Variants in DNAH9 observed in about 807,000 individuals in gnomAD.
The protein encoded by DNAH9 is DNAH9 variant protein.
Under a neutral mutation model 471.6 loss-of-function variants are expected in DNAH9, and 345 were observed. The observed-to-expected ratio is 0.73, with a 90% CI of 0.67 to 0.80. The LOEUF (loss-of-function observed/expected upper bound fraction) is 0.80, where lower values mean the gene tolerates loss of function less well. DNAH9 is among the 30% of genes least tolerant of loss of function. The probability of loss-of-function intolerance (pLI) is 0.00; values close to 1 mark genes in which losing one functional copy is unlikely to be tolerated. For missense variants in DNAH9, 5,407 were observed against 5,609.2 expected (o/e 0.96, Z 1.15); for synonymous variants, 2,093 against 2,123.6 (o/e 0.99, Z 0.40).
intron 68 of DNAH9, among the ~76,000 whole-genome samples, chr17:11,968,950 C>A (rs1271676273): frequency 6.6e-6 from 1 of 152,140 alleles, no homozygotes; most frequent in Non-Finnish European, 1.5e-5. Context: ...ATTTTTAAAT[C>A]CCCAGCACCT....
At position 11,843,841 on chromosome 17, in the gene DNAH9, T is replaced by TTGTGTGTGTG. The variant is rs370150805; in HGVS notation, c.9507+8957_9507+8966dup. Among the ~76,000 whole-genome samples the TTGTGTGTGTG allele has an allele frequency of 5.0e-3, 350 of 69,668 alleles. 53 individuals are homozygous for TTGTGTGTGTG. The highest frequency in any genetic ancestry group is 0.017 in the Middle Eastern group (1 of 58). 45.7% of individuals were successfully genotyped at this position (69,668 alleles called of 152,430 possible). On this transcript the variant is annotated intron_variant, in intron 49 of 68. Coordinates refer to ENST00000262442, the MANE Select transcript of DNAH9 (RefSeq NM_001372.4). ...TTTGTATATATACATGTATATGTGT[T>TTGTGTGTGTG]TGTGTGTGTGTGTGTGTGTGTGTAT... is the stretch of plus-strand genomic sequence containing the variant.
chr17:11,676,571 C>T (rs1404205268), intron 17 of DNAH9, among the ~76,000 whole-genome samples: 2 of 152,174 alleles, frequency 1.3e-5, no homozygotes, highest in Non-Finnish European at 2.9e-5. Context: ...GCATGAGCCA[C>T]TGCACCTGGC....
intron 26 of DNAH9, among the ~76,000 whole-genome samples, chr17:11,710,875 G>GA: frequency 6.6e-6 from 1 of 152,184 alleles, no homozygotes. Flanking sequence ...AGAAGTGGCC[G>GA]AAAAAAGACT....
intron 26 of DNAH9, among the ~76,000 whole-genome samples, chr17:11,715,656 A>C (rs906322862): frequency 6.6e-6 from 1 of 152,100 alleles, no homozygotes; most frequent in African/African-American, 2.4e-5. Context: ...TTCCTTAAGG[A>C]TCTTTTGCCA....
At position 11,834,784 on chromosome 17, in the gene DNAH9, G is replaced by C; in HGVS notation, c.9393G>C (p.Lys3131Asn). The change falls in exon 49 of 69, where the codon AAG (lysine) becomes AAC (asparagine). Residue 3131 changes from lysine to asparagine, a missense_variant. By Grantham distance (94) the Lys-to-Asn change is moderately conservative (BLOSUM62 0). Around this residue, in one of 3 missense-constraint regions of DNAH9, gnomAD observed 4,636 missense variants for 4,900.3 expected, o/e 0.95. Transcript: ENST00000262442. ...EKAMADEEEQ[K>N]VAVIMLEVKQ... is the part of the protein sequence containing the mutation. ...CCATGGCAGATGAAGAGGAGCAGAA[G>C]GTGGCCGTCATCATGCTAGAGGTGA... 1 of 1,614,164 alleles carries C rather than the reference G, an allele frequency of 6.2e-7. No homozygotes were observed. Among genetic ancestry groups the C allele is most frequent in the Non-Finnish European group, 8.5e-7 (1 of 1,180,028 alleles).
chr17:11,870,106 A>G (rs1255659232), intron 51 of DNAH9, among the ~76,000 whole-genome samples: 1 of 152,210 alleles, frequency 6.6e-6, no homozygotes, highest in Non-Finnish European at 1.5e-5. Flanking sequence ...CATCAAGGAC[A>G]AGTGTCCCAA....
In DNAH9 at chr17:11,745,069, C is replaced by A; in HGVS notation, c.6384C>A (p.Asp2128Glu). The A allele has an allele frequency of 5.0e-6, 8 of 1,612,414 alleles. No homozygotes were observed. The highest frequency in any genetic ancestry group is 6.8e-6 in the Non-Finnish European group (8 of 1,178,818). ...AIVDLKLQAE[D>E]NFVLKVVQLE... ...TGGATCTGAAGCTCCAGGCTGAGGA[C>A]AACTTTGTGCTCAAGGTACATGTGG... The change falls in exon 31 of 69, where the codon GAC becomes GAA. Residue 2128 changes from aspartate (D) to glutamate (E), a missense_variant. Physicochemically the swap from Asp to Glu is conservative, Grantham distance 45. This residue lies in a region of DNAH9 where 4,636 missense variants were observed against 4,900.3 expected (regional missense o/e 0.95). Coordinates refer to ENST00000262442, the MANE Select transcript of DNAH9 (RefSeq NM_001372.4).
rs1972711480 is a variant in DNAH9, at chr17:11,881,271, C to A, written c.10664C>A (p.Thr3555Asn). Residue 3555 changes from threonine to asparagine, a missense_variant, in exon 55 of 69, where the codon ACC becomes AAC. Around this residue, in one of 3 missense-constraint regions of DNAH9, gnomAD observed 4,636 missense variants for 4,900.3 expected, o/e 0.95. Coordinates refer to ENST00000262442, the MANE Select transcript of DNAH9 (RefSeq NM_001372.4). ...YNPKFRLILH[T>N]KLANPHYQPE... ...CCCAAGTTCCGGCTCATCCTCCACA[C>A]CAAGCTGGCTAATCCTCACTACCAG... 1 of 1,614,214 alleles carries A rather than the reference C, an allele frequency of 6.2e-7. No individual in the cohort carries two copies. Among genetic ancestry groups the A allele is most frequent in the Non-Finnish European group, 8.5e-7 (1 of 1,180,046 alleles).
chr17:11,734,821 AT>A (rs2075319617), intron 28 of DNAH9, among the ~76,000 whole-genome samples: 1 of 152,192 alleles, frequency 6.6e-6, no homozygotes, highest in Non-Finnish European at 1.5e-5. Flanking sequence ...AGTTATCTAC[AT>A]CTTTGAGTCT....
At chr17:11,807,683 C>T in intron 43 of DNAH9, 49 bp from the exon 44 acceptor site, 1 of 1,561,524 alleles carries the variant, frequency 6.4e-7, no homozygotes, top group Non-Finnish European at 8.7e-7. Context: ...ATGCTTCTGA[C>T]TGCAGAAAGT....
At chr17:11,723,434 A>G (rs2075096554) in intron 27 of DNAH9, 1 of 152,158 alleles carries the variant, frequency 6.6e-6, no homozygotes. Context: ...CCACAGCAAG[A>G]TAATGCCCCA....
rs778380267 is a variant in DNAH9, at chr17:11,942,395, C to T, written c.12753C>T (p.Tyr4251=). 1 of 1,614,208 alleles carries T rather than the reference C, an allele frequency of 6.2e-7. No individual in the cohort carries two copies. The highest frequency in any genetic ancestry group is 1.1e-5 in the South Asian group (1 of 91,090). ...CCAAAGTGGAGGAGCGCACCCCTTA[C>T]ATTGTAGTTGCCTTCCAGGAGTGTG... ...LMAKVEERTP[Y]IVVAFQECGR... Residue 4251 remains tyrosine, a synonymous_variant, in exon 67 of 69, where the codon TAC becomes TAT. Coordinates refer to ENST00000262442, the MANE Select transcript of DNAH9 (RefSeq NM_001372.4).
rs7208445 is a variant in DNAH9, at chr17:11,892,209, C to T, written c.11283+262C>T. ...AGATCTAAGATCTTCCTCAGCACAG[C>T]ACTCCAGCAGCCACTACCAATCAAT... On this transcript the variant is annotated intron_variant, in intron 58 of 68. Coordinates refer to ENST00000262442, the MANE Select transcript of DNAH9 (RefSeq NM_001372.4). The surrounding 1 kb of genome is among the most constrained non-coding windows in gnomAD (Gnocchi z 4.3). Among the ~76,000 whole-genome samples, 997 of 152,260 alleles carry T rather than the reference C, an allele frequency of 6.5e-3. 16 individuals carry two copies. Among genetic ancestry groups the T allele is most frequent in the African/African-American group, 0.023 (944 of 41,558 alleles).
In DNAH9 at chr17:11,605,310, A is replaced by T. The variant is rs188394021; in HGVS notation, c.418-2819A>T. On this transcript the variant is annotated intron_variant, in intron 1 of 68. Coordinates refer to ENST00000262442, the MANE Select transcript of DNAH9 (RefSeq NM_001372.4). ...CACATGCTTTATCTTTATTCACAGA[A>T]CTTACTGTTTCTTGACTGTCTCTCC... Among the ~76,000 whole-genome samples the T allele has an allele frequency of 6.8e-4, 104 of 152,118 alleles. 1 individual carries two copies. Among genetic ancestry groups the T allele is most frequent in the African/African-American group, 2.4e-3 (101 of 41,518 alleles).
rs1162057946 is a variant in DNAH9 at position 11,680,699 on chromosome 17, A to C, written c.3577-24A>C. The C allele has an allele frequency of 1.9e-6, 3 of 1,611,978 alleles. No homozygotes were observed. In the Admixed American group the frequency reaches 5.0e-5, roughly 27 times the overall value. On this transcript the variant is annotated intron_variant, in intron 18 of 68. Transcript: ENST00000262442. ...GAGGAAAGAGCACCTTGGGAATCTGACCACACTGAGGTTTCCTTTGCAGGA... is the reference window on the plus strand; with the variant it reads ...GAGGAAAGAGCACCTTGGGAATCTGCCCACACTGAGGTTTCCTTTGCAGGA...
At chr17:11,897,157 A>G (rs1188169075) in intron 59 of DNAH9, among the ~76,000 whole-genome samples, 1 of 152,234 alleles carries the variant, frequency 6.6e-6, no homozygotes, top group Non-Finnish European at 1.5e-5. Flanking sequence ...TATTATCTCA[A>G]TATGCAGTTG....
chr17:11,686,434 G>C, intron 19 of DNAH9, among the ~76,000 whole-genome samples: 1 of 151,956 alleles, frequency 6.6e-6, no homozygotes. Context: ...TTGCTTTCTT[G>C]TTCTTATACT....
At position 11,652,773 on chromosome 17, in the gene DNAH9, A is replaced by T. The variant is rs745698479; in HGVS notation, c.2366A>T (p.Tyr789Phe). ...TTTTGGGGAACAGGCATTTGCGATT[A>T]TGTCACTGAAATCACCAGTAGTATT... ...LNWKTEGICD[Y>F]VTEITSSIHD... Residue 789 changes from tyrosine (Y) to phenylalanine (F), a missense_variant, in exon 14 of 69, where the codon TAT (tyrosine) becomes TTT (phenylalanine). By Grantham distance (22) the Tyr-to-Phe change is conservative. Transcript: ENST00000262442. 5.0e-6 allele frequency: 8 copies of T among 1,613,248 alleles called. No individual in the cohort carries two copies. The highest frequency in any genetic ancestry group is 6.8e-6 in the Non-Finnish European group (8 of 1,179,696).
chr17:11,816,393 T>C (rs187121323), intron 45 of DNAH9, among the ~76,000 whole-genome samples: 61 of 152,310 alleles, frequency 4.0e-4, no homozygotes, highest in African/African-American at 1.4e-3. Context: ...ATAATTGACA[T>C]TTAGGAGGTA....
Sources: gnomAD v4.1 joint callset for allele counts (sites outside exome capture counted in the v4.1 genomes callset) on GRCh38, gnomAD v4.1.1 for gene constraint, gnomAD v4.1.1 regional missense constraint, Gnocchi (gnomAD v3.1) non-coding constraint, MANE v1.5 for transcripts, NCBI Gene and HGNC (gene_info 2026-07-23, HGNC 2026-07-21) for gene names.